TPST1: variants seen among roughly 807,000 people sequenced by gnomAD.
TPST1 encodes tyrosylprotein sulfotransferase 1.
In TPST1, 20 loss-of-function variants were observed where a neutral mutation model predicts 34.8. The observed-to-expected ratio is 0.57, with a 90% CI of 0.40 to 0.84. The LOEUF (loss-of-function observed/expected upper bound fraction) is 0.84, where lower values mean the gene tolerates loss of function less well. Among genes scored for constraint, TPST1 ranks in the 40% least tolerant of loss-of-function variants. The probability of loss-of-function intolerance (pLI) is 0.00; values close to 1 mark genes in which losing one functional copy is unlikely to be tolerated. For missense variants in TPST1, 353 were observed against 455.5 expected (o/e 0.78, Z 2.05); for synonymous variants, 152 against 159.4 (o/e 0.95, Z 0.35).
upstream of TPST1, among the ~76,000 whole-genome samples, chr7:66,203,994 T>C (rs1293659163): frequency 6.6e-6 from 1 of 151,744 alleles, no homozygotes; most frequent in Non-Finnish European, 1.5e-5. Flanking sequence ...CTGGGCAACT[T>C]GATGAAACCC....
intron 2 of TPST1, among the ~76,000 whole-genome samples, chr7:66,248,098 A>G (rs1200779208): frequency 1.3e-5 from 2 of 152,336 alleles, no homozygotes; most frequent in South Asian, 2.1e-4. Flanking sequence ...ATGAGTAACA[A>G]TGTGGTGTTT....
chr7:66,305,251 T>C (rs1164911389), intron 3 of TPST1, among the ~76,000 whole-genome samples: 1 of 152,214 alleles, frequency 6.6e-6, no homozygotes, highest in Non-Finnish European at 1.5e-5. Context: ...AGTTCTCATT[T>C]TCTGTACCTT....
intron 3 of TPST1, among the ~76,000 whole-genome samples, chr7:66,302,293 G>A (rs1423727371): frequency 6.6e-6 from 1 of 152,152 alleles, no homozygotes; most frequent in Non-Finnish European, 1.5e-5. Context: ...TAGACGAGGG[G>A]TTCATTTCTT....
At chr7:66,278,740 ACCACTGCACTCCAGC>A (rs529279026) in intron 2 of TPST1, among the ~76,000 whole-genome samples, 2,163 of 151,590 alleles carry the variant, frequency 0.014, 23 homozygotes, top group Middle Eastern at 0.027. Flanking sequence ...CCGAGATCGC[ACCACTGCACTCCAGC>A]CCACTGCACT....
chr7:66,273,299 A>G (rs951387045), intron 2 of TPST1, among the ~76,000 whole-genome samples: 4 of 152,226 alleles, frequency 2.6e-5, no homozygotes, highest in Admixed American at 2.6e-4. Context: ...TAATAAATGG[A>G]AACATATCCT....
intron 2 of TPST1, among the ~76,000 whole-genome samples, chr7:66,268,979 C>A (rs554955623): frequency 1.3e-5 from 2 of 152,012 alleles, no homozygotes; most frequent in African/African-American, 4.8e-5. Context: ...CCACCACGCC[C>A]GGCCTATAAA....
intron 2 of TPST1, among the ~76,000 whole-genome samples, chr7:66,247,757 C>A (rs999325203): frequency 6.6e-6 from 1 of 152,148 alleles, no homozygotes; most frequent in African/African-American, 2.4e-5. Context: ...AAATGTTACT[C>A]CTGGGAGAAG....
chr7:66,334,471 A>G (rs1369887344), intron 3 of TPST1, among the ~76,000 whole-genome samples: 2 of 151,866 alleles, frequency 1.3e-5, no homozygotes, highest in Admixed American at 6.6e-5. Context: ...CGCCGTCTCT[A>G]CTAAAAATAC....
At chr7:66,346,326 T>A (rs1792351929) in intron 3 of TPST1, among the ~76,000 whole-genome samples, 1 of 152,142 alleles carries the variant, frequency 6.6e-6, no homozygotes, top group Non-Finnish European at 1.5e-5. Context: ...TGATTTCCCT[T>A]CTTTTGGGTA....
At chr7:66,330,622 C>T (rs1372636227) in intron 3 of TPST1, among the ~76,000 whole-genome samples, 1 of 152,182 alleles carries the variant, frequency 6.6e-6, no homozygotes, top group Admixed American at 6.5e-5. Flanking sequence ...CCCTTGCCTC[C>T]AGTTTCTACT....
intron 2 of TPST1, among the ~76,000 whole-genome samples, chr7:66,242,908 AT>A (rs1304738077): frequency 6.6e-6 from 1 of 152,178 alleles, no homozygotes; most frequent in African/African-American, 2.4e-5. Context: ...GTTACTTAGC[AT>A]TTCAGTATGT....
chr7:66,301,349 C>G (rs1045854527), intron 3 of TPST1, among the ~76,000 whole-genome samples: 5 of 152,192 alleles, frequency 3.3e-5, no homozygotes, highest in African/African-American at 1.2e-4. Context: ...TCCACTAAAA[C>G]TTTTGCCATG....
At chr7:66,322,076 A>G (rs1012007042) in intron 3 of TPST1, among the ~76,000 whole-genome samples, 3 of 152,150 alleles carry the variant, frequency 2.0e-5, no homozygotes, top group Non-Finnish European at 2.9e-5. Context: ...TTTAATGTCT[A>G]ATTTTGTGAT....
intron 1 of TPST1, among the ~76,000 whole-genome samples, chr7:66,226,176 T>C (rs765464346): frequency 1.3e-4 from 20 of 152,252 alleles, no homozygotes; most frequent in Admixed American, 2.6e-4. Flanking sequence ...CGTGAGCCAC[T>C]GTGCCCCGCC....
At chr7:66,313,790 CTCTT>C (rs756643278) in intron 3 of TPST1, among the ~76,000 whole-genome samples, 3 of 152,046 alleles carry the variant, frequency 2.0e-5, no homozygotes, top group Admixed American at 6.6e-5. Context: ...TGTCTTCTCT[CTCTT>C]TCTCTCTCCT....
rs1291764810 is a variant in TPST1 at position 66,240,729 on chromosome 7, A to T, written c.304A>T (p.Arg102Trp). The change falls in exon 2 of 6, where the codon AGG becomes TGG. Residue 102 changes from arginine (R) to tryptophan (W), a missense_variant. Transcript: ENST00000304842. ...HPDIRCGEET[R>W]VIPRILALKQ... ...TGACATTCGCTGTGGAGAGGAAACCAGGGTCATTCCCCGAATCCTGGCCCT... is the reference window on the plus strand; with the variant it reads ...TGACATTCGCTGTGGAGAGGAAACCTGGGTCATTCCCCGAATCCTGGCCCT... The T allele has an allele frequency of 6.2e-7, 1 of 1,614,222 alleles. No individual in the cohort carries two copies. Among genetic ancestry groups the T allele is most frequent in the East Asian group, 2.2e-5 (1 of 44,880 alleles).
At position 66,353,951 on chromosome 7, in the gene TPST1, T is replaced by C. The variant is rs547149276; in HGVS notation, c.1095+1396T>C. 1.2e-3 allele frequency among the ~76,000 whole-genome samples: 182 copies of C among 152,330 alleles called. 2 individuals are homozygous for C. Among genetic ancestry groups the C allele is most frequent in the Non-Finnish European group, 1.8e-3 (123 of 68,022 alleles). The stretch of plus-strand genomic sequence containing the variant: ...TTCCTGACCCTTTTCTGAAAACACT[T>C]AGCCGCCAGTAATTGATACATATGA... On this transcript the variant is annotated intron_variant, in intron 4 of 5. Coordinates refer to ENST00000304842, the MANE Select transcript of TPST1 (RefSeq NM_003596.4).
At chr7:66,350,563 A>C (rs1792456447) in intron 3 of TPST1, among the ~76,000 whole-genome samples, 1 of 152,028 alleles carries the variant, frequency 6.6e-6, no homozygotes, top group Non-Finnish European at 1.5e-5. Flanking sequence ...AGTTTTAGGC[A>C]TTGCAGGAAA....
upstream of TPST1, among the ~76,000 whole-genome samples, chr7:66,203,307 A>G (rs956849806): frequency 7.5e-5 from 11 of 146,004 alleles, 1 homozygote; most frequent in African/African-American, 2.8e-4. Flanking sequence ...TGGTGCCATC[A>G]TGGCTCACTG....
Sources: allele counts gnomAD v4.1 joint callset (sites outside exome capture counted in the v4.1 genomes callset), GRCh38; gene constraint gnomAD v4.1.1; transcripts MANE v1.5; gene names NCBI Gene and HGNC (gene_info 2026-07-23, HGNC 2026-07-21).